DIP2C: variants seen among roughly 807,000 people sequenced by gnomAD.
The protein encoded by DIP2C is DIP2 acetate--CoA ligase C (putative), also known as disco-interacting protein 2 homolog C.
Under a neutral mutation model 192.4 loss-of-function variants are expected in DIP2C, and 33 were observed. The ratio of observed to expected loss-of-function variants is 0.17; its 90% CI spans 0.13 to 0.23. DIP2C has a LOEUF of 0.23. Ranked by LOEUF, DIP2C falls within the 10% of genes least tolerant of loss-of-function variation. DIP2C has a pLI of 1.00. For missense variants in DIP2C, 1,537 were observed against 2,110.1 expected (o/e 0.73, Z 5.32); for synonymous variants, 979 against 864.1 (o/e 1.13, Z -2.33).
At chr10:309,945 T>A in intron 32 of DIP2C, 86 bp downstream of exon 32, 4 of 1,316,080 alleles carry the variant, frequency 3.0e-6, no homozygotes, top group Non-Finnish European at 3.3e-6. Flanking sequence ...CGTGTGCACC[T>A]CTTCTTCTAG....
chr10:556,600 T>C (rs546156643), intron 1 of DIP2C, among the ~76,000 whole-genome samples: 5 of 151,140 alleles, frequency 3.3e-5, no homozygotes, highest in African/African-American at 9.8e-5. Context: ...CCATCTGCTA[T>C]AGACACATGA....
chr10:295,000 T>TA (rs756394488), intron 32 of DIP2C, among the ~76,000 whole-genome samples: 11 of 151,402 alleles, frequency 7.3e-5, no homozygotes, highest in Non-Finnish European at 8.8e-5. Context: ...GAAAACTGAT[T>TA]AAAAAATGGG....
chr10:670,111 T>C (rs887835860), intron 1 of DIP2C, among the ~76,000 whole-genome samples: 5 of 152,068 alleles, frequency 3.3e-5, no homozygotes, highest in Non-Finnish European at 5.9e-5. Context: ...TCCACACGTG[T>C]ACATATGCTC....
intron 1 of DIP2C, among the ~76,000 whole-genome samples, chr10:604,419 C>CA (rs1852322887): frequency 6.6e-6 from 1 of 152,160 alleles, no homozygotes; most frequent in African/African-American, 2.4e-5. Flanking sequence ...GGGATGAACA[C>CA]ATTCGGAACA....
chr10:419,953 G>T (rs1029814034), intron 5 of DIP2C, among the ~76,000 whole-genome samples: 1 of 152,142 alleles, frequency 6.6e-6, no homozygotes, highest in Admixed American at 6.5e-5. Flanking sequence ...AATGAATAAC[G>T]CATTGAGGAA....
chr10:657,437 A>G (rs1588698980), intron 1 of DIP2C, among the ~76,000 whole-genome samples: 1 of 14,828 alleles, frequency 6.7e-5, no homozygotes, highest in Non-Finnish European at 1.7e-4. Context: ...CTGTCCCTGG[A>G]CCTGACGCTG....
At chr10:551,135 T>G (rs1266273788) in intron 1 of DIP2C, among the ~76,000 whole-genome samples, 1 of 152,184 alleles carries the variant, frequency 6.6e-6, no homozygotes, top group African/African-American at 2.4e-5. Flanking sequence ...GTGGCTCTGG[T>G]AGAGGCAGCC....
intron 1 of DIP2C, among the ~76,000 whole-genome samples, chr10:686,988 G>A (rs1831363307): frequency 2.0e-5 from 3 of 152,322 alleles, no homozygotes; most frequent in Non-Finnish European, 2.9e-5. Flanking sequence ...ATCCTCCTCT[G>A]TAGGAAATGA....
intron 1 of DIP2C, among the ~76,000 whole-genome samples, chr10:634,044 C>A (rs993731247): frequency 6.6e-6 from 1 of 152,236 alleles, no homozygotes; most frequent in Non-Finnish European, 1.5e-5. Context: ...TTCCAGAAAG[C>A]AGTCCTGGAC....
intron 1 of DIP2C, among the ~76,000 whole-genome samples, chr10:637,179 C>T (rs1854885389): frequency 6.6e-6 from 1 of 152,258 alleles, no homozygotes; most frequent in African/African-American, 2.4e-5. Context: ...AATTCACAAC[C>T]TGCCTTTGTC....
chr10:439,339 C>A (rs543377382), intron 4 of DIP2C, among the ~76,000 whole-genome samples: 1 of 151,864 alleles, frequency 6.6e-6, no homozygotes, highest in Non-Finnish European at 1.5e-5. Flanking sequence ...CCCTTGCCCA[C>A]TGGCATTTGC....
intron 24 of DIP2C, among the ~76,000 whole-genome samples, chr10:354,692 G>A (rs1958993117): frequency 6.6e-6 from 1 of 152,122 alleles, no homozygotes; most frequent in Admixed American, 6.6e-5. Flanking sequence ...GCAGCTTGCG[G>A]AGGGGTAGCC....
Position 615,791 on chromosome 10 carries a change from G to A in DIP2C, c.85+73703C>T, listed in dbSNP as rs372513448. On this transcript the variant is annotated intron_variant, in intron 1 of 36. Transcript: ENST00000280886. Reference sequence around the variant, plus strand: ...AGTGTTTAAAATCTGCGTCTCATGCGTGAGATTACACTCCTCCAAACAGAC... The same window carrying A: ...AGTGTTTAAAATCTGCGTCTCATGCATGAGATTACACTCCTCCAAACAGAC... Among the ~76,000 whole-genome samples, 56 of 152,160 alleles carry A rather than the reference G, an allele frequency of 3.7e-4. No individual in the cohort carries two copies. In the South Asian group the frequency reaches 4.0e-3, roughly 11 times the overall value.
chr10:441,582 G>C (rs2133271773), intron 3 of DIP2C, among the ~76,000 whole-genome samples: 1 of 152,312 alleles, frequency 6.6e-6, no homozygotes, highest in East Asian at 1.9e-4. Flanking sequence ...TAAGTTTCAT[G>C]AGATCTGATG....
intron 3 of DIP2C, among the ~76,000 whole-genome samples, chr10:447,867 T>C (rs1233408973): frequency 4.6e-5 from 4 of 86,456 alleles, no homozygotes; most frequent in Non-Finnish European, 7.9e-5. Context: ...ACCCACTCAT[T>C]CCCATTAATA....
chr10:687,514 G>A (rs1379148935), intron 1 of DIP2C, among the ~76,000 whole-genome samples: 1 of 152,108 alleles, frequency 6.6e-6, no homozygotes, highest in East Asian at 1.9e-4. Flanking sequence ...GATTCATGTG[G>A]AAGGAAAAAT....
chr10:324,796 CCGAGG>C, intron 31 of DIP2C: 1 of 406,190 alleles, frequency 2.5e-6, no homozygotes, highest in Middle Eastern at 3.6e-4. Context: ...CGCCCTGGTG[CCGAGG>C]TAAGGACGGT....
chr10:341,005 A>G (rs1391161667), intron 29 of DIP2C, 194 bp downstream of exon 29: 19 of 769,860 alleles, frequency 2.5e-5, no homozygotes, highest in Non-Finnish European at 4.0e-5. Context: ...GCAGAAAGTC[A>G]AAGTCACCCC....
At chr10:552,827 C>A (rs757194411) in intron 1 of DIP2C, among the ~76,000 whole-genome samples, 4 of 152,166 alleles carry the variant, frequency 2.6e-5, no homozygotes, top group Non-Finnish European at 5.9e-5. Context: ...CCAGCCTGGG[C>A]GCCAGAGCAA....
Sources: allele counts gnomAD v4.1 joint callset (sites outside exome capture counted in the v4.1 genomes callset), GRCh38; gene constraint gnomAD v4.1.1; transcripts MANE v1.5; gene names NCBI Gene and HGNC (gene_info 2026-07-23, HGNC 2026-07-21).